MAP4K3: variants seen among roughly 807,000 people sequenced by gnomAD.
The protein encoded by MAP4K3 is mitogen-activated protein kinase kinase kinase kinase 3, also known as MAPK/ERK kinase kinase kinase 3.
MAP4K3 carries 94 observed loss-of-function variants against 143.5 expected under a neutral mutation model. The observed-to-expected ratio is 0.65, with a 90% CI of 0.55 to 0.78. MAP4K3 has a LOEUF of 0.78. Among genes scored for constraint, MAP4K3 ranks in the 30% least tolerant of loss-of-function variants. The pLI is 0.00. For missense variants in MAP4K3, 1,077 were observed against 1,068.1 expected, an observed-to-expected ratio of 1.01 and a Z score of -0.12; for synonymous variants, 416 against 347.2, an observed-to-expected ratio of 1.20 and a Z score of -2.20.
chr2:39,322,055 C>T (rs199914700), intron 12 of MAP4K3, among the ~76,000 whole-genome samples: 1 of 152,298 alleles, frequency 6.6e-6, no homozygotes, highest in East Asian at 1.9e-4. Flanking sequence ...GTCTCTGTGT[C>T]TTTCTTTTCC....
At chr2:39,387,947 GATA>G (rs1234867164) in intron 1 of MAP4K3, among the ~76,000 whole-genome samples, 2 of 152,334 alleles carry the variant, frequency 1.3e-5, no homozygotes, top group East Asian at 3.9e-4. Context: ...GCACTTAGCA[GATA>G]ATAATTGGAT....
chr2:39,336,616 A>G (rs1045784357), intron 6 of MAP4K3, among the ~76,000 whole-genome samples: 6 of 152,086 alleles, frequency 3.9e-5, no homozygotes, highest in South Asian at 2.1e-4. Context: ...ACTAAAAACT[A>G]TAACTTGATG....
chr2:39,404,625 T>A (rs1357866512), intron 1 of MAP4K3, among the ~76,000 whole-genome samples: 3 of 147,532 alleles, frequency 2.0e-5, no homozygotes, highest in South Asian at 2.2e-4. Context: ...TTCTTTTTTT[T>A]TTTTTTTTTT....
intron 1 of MAP4K3, among the ~76,000 whole-genome samples, chr2:39,410,628 C>A (rs1007637375): frequency 1.3e-5 from 2 of 152,180 alleles, no homozygotes; most frequent in Admixed American, 1.3e-4. Flanking sequence ...AATTATTTAT[C>A]ATGAAAATAA....
intron 21 of MAP4K3, among the ~76,000 whole-genome samples, chr2:39,283,466 T>C (rs750809085): frequency 5.3e-5 from 8 of 152,244 alleles, no homozygotes; most frequent in Non-Finnish European, 8.8e-5. Flanking sequence ...TTTTTTTAAC[T>C]GAGTTATCTT....
rs148885537 is a variant in MAP4K3 at position 39,292,951 on chromosome 2, G to A, written c.1218-125C>T. ...TTTATTTCTGCATCTTTATAGGATA[G>A]GATAGATTCAGAATTAAAACAAGGA... On this transcript the variant is annotated intron_variant, in intron 17 of 33. Transcript: ENST00000263881. The A allele has an allele frequency of 3.9e-4, 311 of 799,632 alleles. No homozygotes were observed. In the African/African-American group the frequency reaches 4.3e-3, roughly 11 times the overall value. 49.5% of individuals were successfully genotyped at this position (799,632 alleles called of 1,614,324 possible). A position where few individuals can be genotyped will look rare whatever the true frequency, so the allele number is the denominator to read the frequency against.
intron 1 of MAP4K3, among the ~76,000 whole-genome samples, chr2:39,384,886 C>T (rs76945687): frequency 0.018 from 2,707 of 152,290 alleles, 84 homozygotes; most frequent in African/African-American, 0.06. Flanking sequence ...AGTTCCATCA[C>T]TGCAAAAACT....
intron 15 of MAP4K3, among the ~76,000 whole-genome samples, chr2:39,307,003 C>G (rs1003334478): frequency 6.6e-6 from 1 of 152,222 alleles, no homozygotes; most frequent in East Asian, 1.9e-4. Flanking sequence ...AATAGGACAG[C>G]AACCTCCCTA....
chr2:39,260,957 A>C (rs1178443439), intron 28 of MAP4K3, 180 bp from the exon 29 acceptor site: 1 of 529,214 alleles, frequency 1.9e-6, no homozygotes, highest in Non-Finnish European at 3.3e-6. Context: ...ACCACCGCAA[A>C]ATATTTTAAA....
chr2:39,268,549 G>A (rs894250489), intron 26 of MAP4K3, among the ~76,000 whole-genome samples: 3 of 151,470 alleles, frequency 2.0e-5, no homozygotes, highest in African/African-American at 7.3e-5. Context: ...TCGGACTCCT[G>A]AGCTCAGGTG....
intron 1 of MAP4K3, among the ~76,000 whole-genome samples, chr2:39,412,113 A>T (rs969352989): frequency 3.3e-5 from 5 of 152,350 alleles, no homozygotes; most frequent in African/African-American, 1.2e-4. Context: ...GTTCCAGAAA[A>T]CACACTTTGG....
At chr2:39,278,277 A>C (rs1681361090) in intron 24 of MAP4K3, 130 bp downstream of exon 24, 3 of 549,024 alleles carry the variant, frequency 5.5e-6, no homozygotes, top group Non-Finnish European at 9.4e-6. Context: ...GGTCTCAAAA[A>C]ACAAAACAAA....
intron 1 of MAP4K3, among the ~76,000 whole-genome samples, chr2:39,421,269 A>C (rs780277829): frequency 4.6e-5 from 7 of 152,206 alleles, no homozygotes; most frequent in African/African-American, 9.7e-5. Context: ...TCTCTACAGA[A>C]CAACACAGTG....
At chr2:39,374,515 C>T (rs1369298627) in intron 2 of MAP4K3, among the ~76,000 whole-genome samples, 1 of 151,904 alleles carries the variant, frequency 6.6e-6, no homozygotes, top group African/African-American at 2.4e-5. Flanking sequence ...AACCCCGTCT[C>T]TACTAAAAAT....
intron 1 of MAP4K3, chr2:39,379,605 T>C (rs556384143): frequency 1.3e-5 from 2 of 155,852 alleles, no homozygotes; most frequent in South Asian, 2.0e-4. Context: ...TCAGGTGTAA[T>C]AGTCATAAAG....
At chr2:39,279,744 T>C (rs1213172808) in intron 23 of MAP4K3, among the ~76,000 whole-genome samples, 3 of 152,058 alleles carry the variant, frequency 2.0e-5, no homozygotes, top group African/African-American at 7.2e-5. Flanking sequence ...GCCCAGGACT[T>C]CGAGACCAGC....
intron 13 of MAP4K3, 55 bp from the exon 14 acceptor site, chr2:39,309,574 T>TTC (rs1682867637): frequency 3.7e-6 from 4 of 1,093,308 alleles, no homozygotes; most frequent in Non-Finnish European, 3.8e-6. Context: ...TTTTTTTTTT[T>TTC]TGAGGCAGAG....
intron 22 of MAP4K3, among the ~76,000 whole-genome samples, chr2:39,280,770 G>A (rs557020162): frequency 2.0e-5 from 3 of 152,176 alleles, no homozygotes; most frequent in African/African-American, 7.2e-5. Flanking sequence ...CCTAAAAATG[G>A]TATTAAAAAT....
intron 1 of MAP4K3, among the ~76,000 whole-genome samples, chr2:39,404,617 C>CTTTTTTTT (rs1174319224): frequency 4.2e-4 from 36 of 86,104 alleles, no homozygotes; most frequent in East Asian, 5.5e-4. Context: ...TTCTTTCTTT[C>CTTTTTTTT]TTTTTTTTTT....
Sources: allele counts gnomAD v4.1 joint callset (sites outside exome capture counted in the v4.1 genomes callset), GRCh38; gene constraint gnomAD v4.1.1; transcripts MANE v1.5; gene names NCBI Gene and HGNC (gene_info 2026-07-23, HGNC 2026-07-21).